Variants in WWC1 observed in about 807,000 individuals in gnomAD.
The protein encoded by WWC1 is WW and C2 domain containing 1, also known as protein KIBRA.
WWC1 carries 55 observed loss-of-function variants against 138.4 expected under a neutral mutation model. The observed-to-expected ratio is 0.40, with a 90% CI of 0.32 to 0.50. WWC1 has a LOEUF of 0.50. Ranked by LOEUF, WWC1 falls within the 20% of genes least tolerant of loss-of-function variation. The pLI, the probability that WWC1 is intolerant of heterozygous loss-of-function variation, is 0.72. For synonymous variants in WWC1, 524 were observed against 564.9 expected, an observed-to-expected ratio of 0.93 and a Z score of 1.03; for missense variants, 1,226 against 1,420.4, an observed-to-expected ratio of 0.86 and a Z score of 2.20.
chr5:168,298,390 C>G (rs1014355505), intron 1 of WWC1, among the ~76,000 whole-genome samples: 10 of 152,088 alleles, frequency 6.6e-5, no homozygotes, highest in African/African-American at 2.4e-4. Flanking sequence ...GGAAGTTACC[C>G]AGAACCTCTT....
At chr5:168,331,176 T>G (rs1773005459) in intron 1 of WWC1, among the ~76,000 whole-genome samples, 1 of 152,196 alleles carries the variant, frequency 6.6e-6, no homozygotes, top group Admixed American at 6.5e-5. Context: ...TTGTGGACAC[T>G]GACAAGTCTA....
At chr5:168,447,034 GTAAGATT>G (rs1462887332) in intron 17 of WWC1, among the ~76,000 whole-genome samples, 55 of 152,292 alleles carry the variant, frequency 3.6e-4, no homozygotes, top group Admixed American at 2.2e-3. Context: ...CTGAGCATTA[GTAAGATT>G]TAAAAGCTCC....
At chr5:168,427,110 C>T (rs147342962) in intron 11 of WWC1, among the ~76,000 whole-genome samples, 1 of 152,328 alleles carries the variant, frequency 6.6e-6, no homozygotes, top group Non-Finnish European at 1.5e-5. Context: ...TCTCTCCCTT[C>T]TCTGTCCTGA....
intron 2 of WWC1, among the ~76,000 whole-genome samples, chr5:168,377,751 A>C (rs1011263117): frequency 3.9e-5 from 6 of 152,224 alleles, no homozygotes; most frequent in Admixed American, 2.0e-4. Flanking sequence ...CACCAGTCAG[A>C]ATGGCTGTTA....
chr5:168,383,380 G>A (rs368448763), intron 2 of WWC1, among the ~76,000 whole-genome samples: 1 of 152,202 alleles, frequency 6.6e-6, no homozygotes, highest in African/African-American at 2.4e-5. Context: ...ATTCAGAGAC[G>A]TTAAACAGCC....
intron 1 of WWC1, among the ~76,000 whole-genome samples, chr5:168,354,154 G>A (rs1460044209): frequency 1.2e-4 from 18 of 151,764 alleles, no homozygotes; most frequent in Admixed American, 3.9e-4. Context: ...GGATTCAAGC[G>A]ATTCTCCTGC....
rs768163944 is a variant in WWC1, at chr5:168,441,850, G to A, written c.2433+16G>A. ...TGCCAGCACGGTGAGCTGGGACCAG[G>A]TGTGCCACCTTCCCACAAGGCCGCA... On this transcript the variant is annotated intron_variant, in intron 16 of 22. Coordinates refer to ENST00000265293, the MANE Select transcript of WWC1 (RefSeq NM_015238.3). 2 of 1,609,772 alleles carry A rather than the reference G, an allele frequency of 1.2e-6. No individual in the cohort carries two copies. Among genetic ancestry groups the A allele is most frequent in the Admixed American group, 3.3e-5 (2 of 59,728 alleles).
At position 168,309,261 on chromosome 5, in the gene WWC1, G is replaced by A. The variant is rs12519918; in HGVS notation, c.119+16990G>A. Among the ~76,000 whole-genome samples the A allele has an allele frequency of 5.9e-4, 90 of 152,134 alleles. No individual in the cohort carries two copies. The East Asian group carries it at 0.016, about 28-fold the overall frequency. Reference sequence around the variant, plus strand: ...CCACATCCTTTGCCATGAAGCCTCCGGTGCCCATTTCTGGGTACCTACTGG... The same window carrying A: ...CCACATCCTTTGCCATGAAGCCTCCAGTGCCCATTTCTGGGTACCTACTGG... On this transcript the variant is annotated intron_variant, in intron 1 of 22. Coordinates refer to ENST00000265293, the MANE Select transcript of WWC1 (RefSeq NM_015238.3).
At chr5:168,351,593 G>T (rs1277285804) in intron 1 of WWC1, among the ~76,000 whole-genome samples, 1 of 152,188 alleles carries the variant, frequency 6.6e-6, no homozygotes, top group South Asian at 2.1e-4. Flanking sequence ...GATGAGAAGA[G>T]GTTGCTCTCC....
intron 22 of WWC1, among the ~76,000 whole-genome samples, chr5:168,468,739 CT>C (rs1262130533): frequency 6.6e-6 from 1 of 152,182 alleles, no homozygotes; most frequent in African/African-American, 2.4e-5. Context: ...CCCCTTCCCC[CT>C]GGAACATTTG....
chr5:168,362,748 A>G (rs538935223), intron 1 of WWC1, among the ~76,000 whole-genome samples: 119 of 152,328 alleles, frequency 7.8e-4, no homozygotes, highest in Non-Finnish European at 1.2e-3. Flanking sequence ...ATAGAGACTC[A>G]AGATGGAGGT....
At chr5:168,414,034 A>G in intron 8 of WWC1, 1 of 313,506 alleles carries the variant, frequency 3.2e-6, no homozygotes, top group Non-Finnish European at 5.9e-6. Flanking sequence ...CAACTTGCCC[A>G]AGGCCACACA....
chr5:168,414,874 A>C, intron 9 of WWC1: 1 of 389,194 alleles, frequency 2.6e-6, no homozygotes, highest in South Asian at 4.3e-5. Context: ...AAGCCACATA[A>C]CTCTATATAA....
At chr5:168,411,530 G>C (rs3926392) in intron 8 of WWC1, 2 of 151,894 alleles carry the variant, frequency 1.3e-5, no homozygotes, top group African/African-American at 4.8e-5. Context: ...CTAGCTTCAG[G>C]CACAGCTGGA....
chr5:168,383,559 C>T (rs1777811570), intron 2 of WWC1, among the ~76,000 whole-genome samples: 1 of 152,136 alleles, frequency 6.6e-6, no homozygotes. Flanking sequence ...AGGCATATGA[C>T]ATAAATGAAT....
intron 1 of WWC1, among the ~76,000 whole-genome samples, chr5:168,366,322 C>A (rs975228517): frequency 1.6e-4 from 24 of 152,160 alleles, no homozygotes; most frequent in Non-Finnish European, 3.2e-4. Flanking sequence ...TCTTGCTGTC[C>A]AGATTTCTTG....
intron 1 of WWC1, among the ~76,000 whole-genome samples, chr5:168,303,724 C>G (rs1770296220): frequency 6.6e-6 from 1 of 152,114 alleles, no homozygotes; most frequent in African/African-American, 2.4e-5. Flanking sequence ...ACAGCAGGAT[C>G]AGAGGAAATT....
chr5:168,322,207 T>G (rs1222164312), intron 1 of WWC1, among the ~76,000 whole-genome samples: 4 of 152,084 alleles, frequency 2.6e-5, no homozygotes, highest in Non-Finnish European at 5.9e-5. Flanking sequence ...ATACATTACA[T>G]TGAGGAGACT....
At chr5:168,385,816 T>C (rs57772279) in intron 3 of WWC1, among the ~76,000 whole-genome samples, 19,308 of 152,190 alleles carry the variant, frequency 0.13, 1,275 homozygotes, top group Middle Eastern at 0.19. Flanking sequence ...ATTCACTTAA[T>C]AAATAGTTAA....
Sources: gnomAD v4.1 joint callset for allele counts (sites outside exome capture counted in the v4.1 genomes callset) on GRCh38, gnomAD v4.1.1 for gene constraint, MANE v1.5 for transcripts, NCBI Gene and HGNC (gene_info 2026-07-23, HGNC 2026-07-21) for gene names.